Variants in DCX observed in about 807,000 individuals in gnomAD.
DCX encodes doublecortin.
In DCX, 4 loss-of-function variants were observed where a neutral mutation model predicts 20.9. The ratio of observed to expected loss-of-function variants is 0.19; its 90% confidence interval spans 0.09 to 0.44. DCX has a LOEUF of 0.44. DCX is among the 20% of genes least tolerant of loss of function. The pLI is 0.99. For synonymous variants in DCX, 103 were observed against 111.4 expected (o/e 0.92, Z 0.47); for missense variants, 133 against 296.9 (o/e 0.45, Z 4.06).
intron 2 of DCX, 48 bp downstream of exon 2, chrX:111,409,987 C>A (rs1166119840): frequency 8.3e-7 from 1 of 1,206,395 alleles, no homozygotes; most frequent in African/African-American, 1.8e-5. Flanking sequence ...TAACCATAAC[C>A]AATGATGCCA....
chrX:111,365,450 G>A (rs752720121), intron 3 of DCX, among the ~76,000 whole-genome samples: 1 of 110,250 alleles, frequency 9.1e-6, no homozygotes, highest in Non-Finnish European at 1.9e-5. Flanking sequence ...GAAGAATGGG[G>A]TATCCGTCCT....
In DCX at chrX:111,312,698, A is replaced by G; in HGVS notation, c.985T>C (p.Ser329Pro). 1 of 1,211,720 alleles carries G rather than the reference A, an allele frequency of 8.3e-7. No individual in the cohort carries two copies. Among genetic ancestry groups the G allele is most frequent in the Non-Finnish European group, 1.1e-6 (1 of 895,522 alleles). ...GGCGTAGAGATGGGAGACTGCTTAG[A>G]CTTGGGGGTAGAGAGCTGGCTGCTG... ...TSSSQLSTPK[S>P]KQSPISTPTS... Residue 329 changes from serine (S) to proline (P), a missense_variant, in exon 6 of 7, where the codon TCT becomes CCT. By Grantham distance (74) the Ser-to-Pro change is moderately conservative (BLOSUM62 -1). Coordinates refer to ENST00000636035, the MANE Select transcript of DCX (RefSeq NM_001195553.2).
chrX:111,301,911 C>T (rs1443054690), intron 6 of DCX, among the ~76,000 whole-genome samples, 168 bp from the exon 7 acceptor site: 1 of 109,617 alleles, frequency 9.1e-6, no homozygotes, highest in African/African-American at 3.3e-5. Context: ...ACCAATGTAC[C>T]CTTCATTCAA....
At chrX:111,374,073 A>G (rs1925333932) in intron 3 of DCX, among the ~76,000 whole-genome samples, 1 of 112,157 alleles carries the variant, frequency 8.9e-6, no homozygotes, top group Non-Finnish European at 1.9e-5. Context: ...CCTCCATGTA[A>G]TTGCAGTGTT....
At chrX:111,394,644 C>A (rs1462720094) in intron 3 of DCX, among the ~76,000 whole-genome samples, 2 of 112,046 alleles carry the variant, frequency 1.8e-5, no homozygotes, top group African/African-American at 6.5e-5. Context: ...ATGGAACAGC[C>A]TGCATCCCTG....
At chrX:111,389,534 AG>A in intron 3 of DCX, among the ~76,000 whole-genome samples, 1 of 111,395 alleles carries the variant, frequency 9.0e-6, no homozygotes, top group Non-Finnish European at 1.9e-5. Flanking sequence ...ACTTAGATGT[AG>A]CAAAGTACCC....
At position 111,342,339 on chromosome X, in the gene DCX, TTATATATATATATATATATATATA is replaced by T. The variant is rs60045433; in HGVS notation, c.706-9210_706-9187del. Among the ~76,000 whole-genome samples the T allele has an allele frequency of 5.8e-4, 12 of 20,739 alleles. No individual in the cohort carries two copies. In the East Asian group the frequency reaches 0.014, roughly 24 times the overall value. 18.0% of individuals were successfully genotyped at this position (20,739 alleles called of 115,157 possible). A position where few individuals can be genotyped will look rare whatever the true frequency, so the allele number is the denominator to read the frequency against. ...ACAATTCAACAAGAAGAGCTAACTA[TTATATATATATATATATATATATA>T]TATATATATATATATATATCCATCC... is the stretch of plus-strand genomic sequence containing the variant. On this transcript the variant is annotated intron_variant, in intron 3 of 6. Coordinates refer to ENST00000636035, the MANE Select transcript of DCX (RefSeq NM_001195553.2).
intron 6 of DCX, among the ~76,000 whole-genome samples, chrX:111,310,080 C>T (rs1271634390): frequency 8.9e-6 from 1 of 112,521 alleles, no homozygotes; most frequent in Admixed American, 9.4e-5. Flanking sequence ...TGCCTGTAAT[C>T]CCAGCACTTC....
At chrX:111,377,346 G>A (rs1925615618) in intron 3 of DCX, among the ~76,000 whole-genome samples, 1 of 111,689 alleles carries the variant, frequency 9.0e-6, no homozygotes, top group African/African-American at 3.3e-5. Flanking sequence ...CCAGCTGAAG[G>A]TTCTTTGTGC....
intron 3 of DCX, among the ~76,000 whole-genome samples, chrX:111,375,067 A>C (rs1409562836): frequency 9.7e-6 from 1 of 102,860 alleles, no homozygotes; most frequent in Non-Finnish European, 2.0e-5. Context: ...AATCATTGAG[A>C]TGGAGAACAG....
At chrX:111,319,688 C>G (rs765884931) in intron 5 of DCX, among the ~76,000 whole-genome samples, 1 of 112,247 alleles carries the variant, frequency 8.9e-6, no homozygotes, top group Non-Finnish European at 1.9e-5. Flanking sequence ...CCTGACCTGT[C>G]GCACTCAAGG....
At chrX:111,306,804 G>A (rs975344069) in intron 6 of DCX, among the ~76,000 whole-genome samples, 1 of 111,204 alleles carries the variant, frequency 9.0e-6, no homozygotes, top group Non-Finnish European at 1.9e-5. Context: ...ATTAAACAAC[G>A]CACAGATGAC....
Position 111,349,267 on chromosome X carries a change from C to T in DCX, c.706-16114G>A, listed in dbSNP as rs761015238. On this transcript the variant is annotated intron_variant, in intron 3 of 6. Coordinates refer to ENST00000636035, the MANE Select transcript of DCX (RefSeq NM_001195553.2). ...GACACAGTTAATGAGCAGTGACACC[C>T]GGGCCAGAATGCTGGCAGCTGTCGT... Among the ~76,000 whole-genome samples, 5 of 111,527 alleles carry T rather than the reference C, an allele frequency of 4.5e-5. No homozygotes were observed. In the East Asian group the frequency reaches 8.5e-4, roughly 19 times the overall value.
At position 111,379,165 on chromosome X, in the gene DCX, C is replaced by A. The variant is rs1013363262; in HGVS notation, c.705+21825G>T. 2.7e-5 allele frequency among the ~76,000 whole-genome samples: 3 copies of A among 112,420 alleles called. 1 individual carries two copies. In the Middle Eastern group the frequency reaches 0.014, roughly 516 times the overall value. On this transcript the variant is annotated intron_variant, in intron 3 of 6. Coordinates refer to ENST00000636035, the MANE Select transcript of DCX (RefSeq NM_001195553.2). ...TATAATTCACGCATAAACTATATTA[C>A]TGAACTTGAATATCTTTAGAAACGT...
intron 3 of DCX, among the ~76,000 whole-genome samples, chrX:111,389,590 C>T (rs187760080): frequency 1.4e-4 from 16 of 111,664 alleles, no homozygotes; most frequent in Non-Finnish European, 9.4e-5. Context: ...TGGTGAGACA[C>T]GCTTGTAGTC....
chrX:111,335,771 C>T (rs1245003678), intron 3 of DCX, among the ~76,000 whole-genome samples: 1 of 110,834 alleles, frequency 9.0e-6, no homozygotes, highest in Non-Finnish European at 1.9e-5. Flanking sequence ...CATGGTGAAA[C>T]CCCATCTTTA....
At chrX:111,315,049 T>C (rs2095066598) in intron 5 of DCX, among the ~76,000 whole-genome samples, 1 of 109,053 alleles carries the variant, frequency 9.2e-6, no homozygotes, top group Admixed American at 9.7e-5. Flanking sequence ...GCCTATGTCC[T>C]GAATGGTAAT....
intron 3 of DCX, among the ~76,000 whole-genome samples, chrX:111,368,901 T>TATACACACACACAC (rs1467693516): frequency 0.018 from 1,768 of 98,257 alleles, 65 homozygotes; most frequent in African/African-American, 0.063. Context: ...TATATATACA[T>TATACACACACACAC]ACACACACAC....
At chrX:111,330,764 A>G (rs1921141877) in intron 5 of DCX, 140 bp downstream of exon 5, 1 of 912,515 alleles carries the variant, frequency 1.1e-6, no homozygotes, top group African/African-American at 1.9e-5. Context: ...AACAAGTTTG[A>G]CTGTTTTAGT....
Sources: allele counts gnomAD v4.1 joint callset (sites outside exome capture counted in the v4.1 genomes callset), GRCh38; gene constraint gnomAD v4.1.1; transcripts MANE v1.5; gene names NCBI Gene and HGNC (gene_info 2026-07-23, HGNC 2026-07-21).